LRRC3C: variants seen among roughly 807,000 people sequenced by gnomAD.
LRRC3C encodes the protein leucine rich repeat containing 3C, also known as leucine-rich repeat-containing protein 3C.
LRRC3C carries 11 observed loss-of-function variants against 14.8 expected under a neutral mutation model. The observed-to-expected ratio is 0.74, with a 90% CI of 0.47 to 1.23. LRRC3C has a LOEUF of 1.23. Ranked by LOEUF, LRRC3C falls within the 50% of genes most tolerant of loss-of-function variation. LRRC3C has a pLI of 0.00. For missense variants in LRRC3C, 354 were observed against 361.8 expected (o/e 0.98, Z 0.18); for synonymous variants, 149 against 161.5 (o/e 0.92, Z 0.59).
In LRRC3C at chr17:39,944,887, T is replaced by TTC. The variant is rs149734401; in HGVS notation, c.*169_*170dup. The TTC allele has an allele frequency of 3.1e-3, 2,015 of 641,454 alleles. 16 individuals carry two copies. In the African/African-American group the frequency reaches 0.033, roughly 11 times the overall value. 39.7% of individuals were successfully genotyped at this position (641,454 alleles called of 1,614,324 possible). A position where few individuals can be genotyped will look rare whatever the true frequency, so the allele number is the denominator to read the frequency against. On this transcript the variant is annotated 3_prime_UTR_variant, in exon 4 of 4. Transcript: ENST00000377924. ...TATTCCCCCTAAATACCTGTGCTGG[T>TTC]TCTCTCTCTCTCTCTCTGTGTCGTC...
chr17:39,944,609 C>T lies in LRRC3C; in HGVS notation c.703C>T (p.Leu235Phe). The T allele has an allele frequency of 6.5e-7, 1 of 1,535,850 alleles. No individual in the cohort carries two copies. Among genetic ancestry groups the T allele is most frequent in the South Asian group, 1.2e-5 (1 of 84,056 alleles). The change falls in exon 4 of 4, where the codon CTC becomes TTC. Residue 235 changes from leucine to phenylalanine, a missense_variant. Transcript: ENST00000377924. The part of the protein sequence containing the change: ...LLVTMGGWLT[L>F]MVAYLVHYVW... ...GGTCACCATGGGGGGCTGGCTGACACTCATGGTGGCTTATCTGGTGCATTA... is the reference window on the plus strand; with the variant it reads ...GGTCACCATGGGGGGCTGGCTGACATTCATGGTGGCTTATCTGGTGCATTA...
At chr17:39,940,751 C>CT (rs1304682852) in intron 2 of LRRC3C, among the ~76,000 whole-genome samples, 1 of 149,812 alleles carries the variant, frequency 6.7e-6, no homozygotes, top group African/African-American at 2.5e-5. Flanking sequence ...CCTTGAAATT[C>CT]TTTTTTTTGA....
chr17:39,939,283 G>A, intron 2 of LRRC3C: 1 of 882,486 alleles, frequency 1.1e-6, no homozygotes, highest in Non-Finnish European at 1.4e-6. Flanking sequence ...GTAGTAGGAG[G>A]GAAGGGATGA....
intron 1 of LRRC3C, among the ~76,000 whole-genome samples, chr17:39,928,783 C>G (rs1407367178): frequency 2.6e-5 from 4 of 152,224 alleles, no homozygotes; most frequent in Non-Finnish European, 4.4e-5. Context: ...AACTGCGGAG[C>G]ACTTTACTCG....
chr17:39,937,120 G>A (rs1354322850), intron 2 of LRRC3C, among the ~76,000 whole-genome samples: 1 of 149,038 alleles, frequency 6.7e-6, no homozygotes, highest in Non-Finnish European at 1.5e-5. Context: ...CTGGGTGACA[G>A]AGTGAGACTC....
At chr17:39,928,117 C>G (rs1265771775) in intron 1 of LRRC3C, among the ~76,000 whole-genome samples, 2 of 152,214 alleles carry the variant, frequency 1.3e-5, no homozygotes, top group Non-Finnish European at 2.9e-5. Context: ...GTCTGGAGGG[C>G]CCGGAACGGA....
chr17:39,939,019 GAA>G (rs796607794), intron 2 of LRRC3C, among the ~76,000 whole-genome samples: 5 of 80,094 alleles, frequency 6.2e-5, no homozygotes, highest in African/African-American at 1.1e-4. Flanking sequence ...CCATCTCAAA[GAA>G]AAAAAAAAAA....
In LRRC3C at chr17:39,944,286, A is replaced by G. The variant is rs960438310; in HGVS notation, c.380A>G (p.Glu127Gly). 1.1e-4 allele frequency: 171 copies of G among 1,535,116 alleles called. No individual in the cohort carries two copies. The highest frequency in any genetic ancestry group is 1.5e-4 in the Non-Finnish European group (171 of 1,146,572). ...HLSGAAFQGL[E>G]GTLRHLDLSA... Reference sequence around the variant, plus strand: ...TCAGGGGCGGCTTTCCAGGGCCTGGAGGGCACATTGCGCCACCTCGACCTC... The same window carrying G: ...TCAGGGGCGGCTTTCCAGGGCCTGGGGGGCACATTGCGCCACCTCGACCTC... Residue 127 changes from glutamate (E) to glycine (G), a missense_variant, in exon 4 of 4, where the codon GAG (glutamate) becomes GGG (glycine). Glu to Gly is a moderately conservative substitution (Grantham distance 98). Coordinates refer to ENST00000377924, the MANE Select transcript of LRRC3C (RefSeq NM_001195545.2).
At chr17:39,942,194 A>C (rs1291535119) in intron 3 of LRRC3C, among the ~76,000 whole-genome samples, 2 of 152,208 alleles carry the variant, frequency 1.3e-5, no homozygotes, top group East Asian at 3.8e-4. Flanking sequence ...TTTGCACAGC[A>C]CTTCACAAAG....
rs1367391925 is a variant in LRRC3C at position 39,943,901 on chromosome 17, ACTC to A, written c.27-26_27-24del. ...GTGGGGCATGCGATTCTCTTGACTC[ACTC>A]CTCCTTTATGTGGCCTTTCCTTCCC... On this transcript the variant is annotated intron_variant, in intron 3 of 3. Coordinates refer to ENST00000377924, the MANE Select transcript of LRRC3C (RefSeq NM_001195545.2). 2.4e-5 allele frequency: 36 copies of A among 1,531,556 alleles called. No homozygotes were observed. In the Admixed American group the frequency reaches 4.3e-4, roughly 18 times the overall value. 94.9% of individuals were successfully genotyped at this position (1,531,556 alleles called of 1,614,324 possible). A position where few individuals can be genotyped will look rare whatever the true frequency, so the allele number is the denominator to read the frequency against.
Position 39,941,455 on chromosome 17 carries a change from G to A in LRRC3C, c.-69G>A, listed in dbSNP as rs757977952. 5.5e-5 allele frequency: 72 copies of A among 1,317,324 alleles called. No individual in the cohort carries two copies. Among genetic ancestry groups the A allele is most frequent in the Middle Eastern group, 1.8e-4 (1 of 5,612 alleles). The allele number at this position is 1,317,324 out of a possible 1,614,324, so 81.6% of individuals were successfully genotyped here. Reference sequence around the variant, plus strand: ...ATTTTGCACTCAGCTCTACAATTCCGTGTCCAGTCCTGGTCACCCATAGTC... The same window carrying A: ...ATTTTGCACTCAGCTCTACAATTCCATGTCCAGTCCTGGTCACCCATAGTC... On this transcript the variant is annotated 5_prime_UTR_variant, in exon 3 of 4. It adds an upstream start codon to the 5' untranslated region. Coordinates refer to ENST00000377924, the MANE Select transcript of LRRC3C (RefSeq NM_001195545.2).
chr17:39,932,920 C>G (rs945067607), intron 1 of LRRC3C, among the ~76,000 whole-genome samples: 4 of 152,006 alleles, frequency 2.6e-5, no homozygotes, highest in African/African-American at 9.7e-5. Context: ...GGCATGGTGG[C>G]GCGCCCCTGT....
intron 1 of LRRC3C, among the ~76,000 whole-genome samples, chr17:39,932,781 G>C (rs983150013): frequency 6.6e-6 from 1 of 152,014 alleles, no homozygotes; most frequent in Non-Finnish European, 1.5e-5. Flanking sequence ...ACCGGGCATG[G>C]TGGCTAGCGC....
intron 3 of LRRC3C, 69 bp from the exon 4 acceptor site, chr17:39,943,864 A>C: frequency 6.8e-7 from 1 of 1,477,472 alleles, no homozygotes; most frequent in Non-Finnish European, 9.1e-7. Context: ...CCTCGGGAGG[A>C]GAAAGCTGGC....
chr17:39,941,686 A>G, intron 3 of LRRC3C, 137 bp downstream of exon 3: 1 of 744,540 alleles, frequency 1.3e-6, no homozygotes, highest in Non-Finnish European at 2.2e-6. Flanking sequence ...GCAAGGATGT[A>G]GGGTATTGGT....
At chr17:39,939,185 A>G (rs1978876994) in intron 2 of LRRC3C, among the ~76,000 whole-genome samples, 1 of 152,216 alleles carries the variant, frequency 6.6e-6, no homozygotes, top group Non-Finnish European at 1.5e-5. Context: ...GAAGTAGGCA[A>G]CAGGATTTCT....
At position 39,944,163 on chromosome 17, in the gene LRRC3C, T is replaced by C. The variant is rs1979014850; in HGVS notation, c.257T>C (p.Leu86Pro). ...GIPNDTRKLY[L>P]DANQLASVPA... ...CCCAATGACACCCGCAAGCTCTACC[T>C]GGATGCCAACCAGCTGGCATCGGTG... Residue 86 changes from leucine (L) to proline (P), a missense_variant, in exon 4 of 4, where the codon CTG (leucine) becomes CCG (proline). Physicochemically the swap from Leu to Pro is moderately conservative, Grantham distance 98. Transcript: ENST00000377924. The C allele has an allele frequency of 2.0e-6, 3 of 1,536,258 alleles. No individual in the cohort carries two copies. The African/African-American group carries it at 4.1e-5, about 21-fold the overall frequency.
At chr17:39,940,164 C>T (rs1227696037) in intron 2 of LRRC3C, among the ~76,000 whole-genome samples, 1 of 152,176 alleles carries the variant, frequency 6.6e-6, no homozygotes, top group Admixed American at 6.6e-5. Flanking sequence ...TGTGAGTCTG[C>T]AAAATTCCCC....
chr17:39,944,602 G>A lies in LRRC3C; in HGVS notation c.696G>A (p.Trp232Ter). The change falls in exon 4 of 4, where the codon TGG (tryptophan) becomes TGA (stop). Residue 232 changes from tryptophan (W) to a stop codon, truncating the protein, a stop_gained. Coordinates refer to ENST00000377924, the MANE Select transcript of LRRC3C (RefSeq NM_001195545.2). LOFTEE classifies it high-confidence loss of function. Reference sequence around the variant, plus strand: ...CCCTGCTGGTCACCATGGGGGGCTGGCTGACACTCATGGTGGCTTATCTGG... The same window carrying A: ...CCCTGCTGGTCACCATGGGGGGCTGACTGACACTCATGGTGGCTTATCTGG... ...DVALLVTMGG[W>*]LTLMVAYLVH... 2 of 1,535,686 alleles carry A rather than the reference G, an allele frequency of 1.3e-6. No individual in the cohort carries two copies. Among genetic ancestry groups the A allele is most frequent in the South Asian group, 1.2e-5 (1 of 84,044 alleles).
Sources: gnomAD v4.1 joint callset for allele counts (sites outside exome capture counted in the v4.1 genomes callset) on GRCh38, gnomAD v4.1.1 for gene constraint, MANE v1.5 for transcripts, NCBI Gene and HGNC (gene_info 2026-07-23, HGNC 2026-07-21) for gene names.